MAP3K21: variants seen among roughly 807,000 people sequenced by gnomAD.
The protein encoded by MAP3K21 is mitogen-activated protein kinase kinase kinase MLK4.
A neutral mutation model predicts 86.1 loss-of-function variants in MAP3K21; 63 were observed. The ratio of observed to expected loss-of-function variants is 0.73; its 90% CI spans 0.60 to 0.90. The LOEUF (loss-of-function observed/expected upper bound fraction) is 0.90, where lower values mean the gene tolerates loss of function less well. Among genes scored for constraint, MAP3K21 ranks in the 40% least tolerant of loss-of-function variants. The pLI, the probability that MAP3K21 is intolerant of heterozygous loss-of-function variation, is 0.00. For missense variants in MAP3K21, 1,220 were observed against 1,367.7 expected (o/e 0.89, Z 1.70); for synonymous variants, 558 against 564.8 (o/e 0.99, Z 0.17).
rs1663957679 is a variant in MAP3K21, at chr1:233,383,449, A to C, written c.*738A>C. The C allele has an allele frequency of 7.3e-6, 1 of 136,598 alleles. No individual in the cohort carries two copies. The highest frequency in any genetic ancestry group is 1.6e-5 in the Non-Finnish European group (1 of 61,578). The allele number at this position is 136,598 out of a possible 1,614,324, so 8.5% of individuals were successfully genotyped here. A position where few individuals can be genotyped will look rare whatever the true frequency, so the allele number is the denominator to read the frequency against. On this transcript the variant is annotated 3_prime_UTR_variant, in exon 10 of 10. Coordinates refer to ENST00000366624, the MANE Select transcript of MAP3K21 (RefSeq NM_032435.3). ...TTAGAACTCCAAAATAGATGTTCAA[A>C]GTTCAGTCCTTGCCATTTGACTGAG...
At chr1:233,345,047 AG>A (rs1353172523) in intron 1 of MAP3K21, among the ~76,000 whole-genome samples, 4 of 152,226 alleles carry the variant, frequency 2.6e-5, no homozygotes, top group Admixed American at 2.6e-4. Flanking sequence ...ATCTCACACC[AG>A]TTAGAAGGGC....
At position 233,382,598 on chromosome 1, in the gene MAP3K21, C is replaced by A. The variant is rs1558466102; in HGVS notation, c.2998C>A (p.Leu1000Met). The change falls in exon 10 of 10, where the codon CTG becomes ATG. Residue 1000 changes from leucine to methionine, a missense_variant. By Grantham distance (15) the Leu-to-Met change is conservative. This residue lies in a region of MAP3K21 where 632 missense variants were observed against 691.3 expected (regional missense o/e 0.91). Transcript: ENST00000366624. ...AACTAAATCCCATGTGCCTTCATTA[C>A]TGGATGCTGACGTGGAAGGTCAGAG... ...ERTKSHVPSLLDADVEGQSRD... is the reference protein window; with the variant it reads ...ERTKSHVPSLMDADVEGQSRD... 6.2e-7 allele frequency: 1 copy of A among 1,614,202 alleles called. No homozygotes were observed. The highest frequency in any genetic ancestry group is 8.5e-7 in the Non-Finnish European group (1 of 1,180,038).
intron 4 of MAP3K21, among the ~76,000 whole-genome samples, chr1:233,355,889 TCTC>T (rs1663343601): frequency 6.6e-6 from 1 of 152,154 alleles, no homozygotes; most frequent in South Asian, 2.1e-4. Flanking sequence ...TCTGTCCCCT[TCTC>T]CTTCTAAAAT....
At chr1:233,366,637 T>C (rs1663579685) in intron 5 of MAP3K21, among the ~76,000 whole-genome samples, 1 of 152,244 alleles carries the variant, frequency 6.6e-6, no homozygotes, top group Non-Finnish European at 1.5e-5. Flanking sequence ...TCCCTATGCA[T>C]AATAAGCTTA....
Position 233,358,955 on chromosome 1 carries a change from G to A in MAP3K21, c.1312-3098G>A, listed in dbSNP as rs112370606. On this transcript the variant is annotated intron_variant, in intron 4 of 9. Coordinates refer to ENST00000366624, the MANE Select transcript of MAP3K21 (RefSeq NM_032435.3). The stretch of plus-strand genomic sequence containing the variant: ...CTCCCGAGTAGCTGGGATTACAGGC[G>A]CCCACCACCACACCCGGCTAATTTT... Among the ~76,000 whole-genome samples, 423 of 151,810 alleles carry A rather than the reference G, an allele frequency of 2.8e-3. 2 individuals carry two copies. The highest frequency in any genetic ancestry group is 9.9e-3 in the African/African-American group (408 of 41,378).
chr1:233,328,529 C>A lies in MAP3K21; in HGVS notation c.501C>A (p.Ser167Arg), dbSNP rs760260263. The change falls in exon 1 of 10, where the codon AGC becomes AGA. Residue 167 changes from serine (S) to arginine (R), a missense_variant. Physicochemically the swap from Ser to Arg is moderately radical, Grantham distance 110. Coordinates refer to ENST00000366624, the MANE Select transcript of MAP3K21 (RefSeq NM_032435.3). The surrounding 1 kb of genome is among the most constrained non-coding windows in gnomAD (Gnocchi z 8.7). ...AGGACGCGGCGGCGGCTGCCGAGAG[C>A]GTGCGGCGCGAGGCTCGGCTCTTCG... is the stretch of plus-strand genomic sequence containing the variant. ...PEQDAAAAAE[S>R]VRREARLFAM... 2 of 1,530,886 alleles carry A rather than the reference C, an allele frequency of 1.3e-6. No individual in the cohort carries two copies. The highest frequency in any genetic ancestry group is 5.3e-5 in the East Asian group (2 of 37,594). The allele number at this position is 1,530,886 out of a possible 1,614,324, so 94.8% of individuals were successfully genotyped here.
intron 6 of MAP3K21, among the ~76,000 whole-genome samples, chr1:233,375,241 C>T (rs1663771040): frequency 6.6e-6 from 1 of 152,054 alleles, no homozygotes; most frequent in South Asian, 2.1e-4. Flanking sequence ...GGCGCCTGGC[C>T]CCAAATCACT....
Position 233,346,516 on chromosome 1 carries a change from A to G in MAP3K21, c.880A>G (p.Arg294Gly). Residue 294 changes from arginine (R) to glycine (G), a missense_variant, in exon 2 of 10, where the codon AGG (arginine) becomes GGG (glycine). Physicochemically the swap from Arg to Gly is moderately radical, Grantham distance 125. Around this residue, in one of 5 missense-constraint regions of MAP3K21, gnomAD observed 89 missense variants for 144.8 expected, o/e 0.61. Coordinates refer to ENST00000366624, the MANE Select transcript of MAP3K21 (RefSeq NM_032435.3). ...TLKITDFGLAREWHRTTKMST... is the reference protein window; with the variant it reads ...TLKITDFGLAGEWHRTTKMST... Reference sequence around the variant, plus strand: ...GAAGATTACAGATTTTGGGTTGGCGAGGGAATGGCACAGGACCACCAAAAT... The same window carrying G: ...GAAGATTACAGATTTTGGGTTGGCGGGGGAATGGCACAGGACCACCAAAAT... The G allele has an allele frequency of 6.2e-7, 1 of 1,613,906 alleles. No individual in the cohort carries two copies. Among genetic ancestry groups the G allele is most frequent in the Non-Finnish European group, 8.5e-7 (1 of 1,179,822 alleles).
intron 1 of MAP3K21, among the ~76,000 whole-genome samples, chr1:233,333,048 A>G (rs961088761): frequency 1.3e-4 from 20 of 152,204 alleles, no homozygotes; most frequent in African/African-American, 4.8e-4. Context: ...AGCTCTTACT[A>G]TGACAAACTG....
At chr1:233,345,072 T>G (rs534450455) in intron 1 of MAP3K21, among the ~76,000 whole-genome samples, 2 of 152,220 alleles carry the variant, frequency 1.3e-5, no homozygotes, top group African/African-American at 2.4e-5. Flanking sequence ...CATTAAAAAG[T>G]CAGGAAACAA....
At chr1:233,369,905 AAAG>A (rs1254082475) in intron 5 of MAP3K21, among the ~76,000 whole-genome samples, 1 of 152,228 alleles carries the variant, frequency 6.6e-6, no homozygotes, top group African/African-American at 2.4e-5. Context: ...GCTGGAGCAG[AAAG>A]AAGAACTCAG....
rs1236279646 is a variant in MAP3K21, at chr1:233,382,691, G to C, written c.3091G>C (p.Glu1031Gln). The C allele has an allele frequency of 6.2e-7, 1 of 1,611,818 alleles. No individual in the cohort carries two copies. The highest frequency in any genetic ancestry group is 1.7e-5 in the Admixed American group (1 of 59,942). The part of the protein sequence containing the change: ...KTSRPSIYEL[E>Q]KEFLS ...CAGCCGGCCATCTATATATGAACTG[G>C]AGAAAGAATTCCTGTCTTAAACTAA... is the stretch of plus-strand genomic sequence containing the variant. The change falls in exon 10 of 10, where the codon GAG becomes CAG. Residue 1031 changes from glutamate to glutamine, a missense_variant. Around this residue, in one of 5 missense-constraint regions of MAP3K21, gnomAD observed 632 missense variants for 691.3 expected, o/e 0.91. Coordinates refer to ENST00000366624, the MANE Select transcript of MAP3K21 (RefSeq NM_032435.3).
intron 1 of MAP3K21, among the ~76,000 whole-genome samples, chr1:233,339,342 C>CTT (rs1662985615): frequency 7.1e-5 from 8 of 113,346 alleles, no homozygotes; most frequent in Non-Finnish European, 1.1e-4. Context: ...TCTTCTTCTC[C>CTT]CTCTTCTCCC....
chr1:233,368,070 C>G (rs991355257), intron 5 of MAP3K21, among the ~76,000 whole-genome samples: 1 of 152,122 alleles, frequency 6.6e-6, no homozygotes, highest in African/African-American at 2.4e-5. Flanking sequence ...ATTGTCCCAT[C>G]ATTTGTTCCA....
At chr1:233,340,517 G>A (rs1294266) in intron 1 of MAP3K21, among the ~76,000 whole-genome samples, 56,360 of 151,662 alleles carry the variant, frequency 0.37, 11,379 homozygotes, top group Non-Finnish European at 0.45. Flanking sequence ...GAGAAGGGAC[G>A]GAGGCCAAAA....
rs1662761834 is a variant in MAP3K21, at chr1:233,328,952, C to T, written c.805+119C>T. On this transcript the variant is annotated intron_variant, in intron 1 of 9. Coordinates refer to ENST00000366624, the MANE Select transcript of MAP3K21 (RefSeq NM_032435.3). The surrounding 1 kb of genome is among the most constrained non-coding windows in gnomAD (Gnocchi z 8.7). ...GTCAGCCTTAGGGCGCCAGCAGCAA[C>T]TCATGCCCAGGCCTTCAGGGCTCGG... 9.6e-7 allele frequency: 1 copy of T among 1,046,150 alleles called. No homozygotes were observed. The highest frequency in any genetic ancestry group is 1.7e-5 in the African/African-American group (1 of 59,968). 64.8% of individuals were successfully genotyped at this position (1,046,150 alleles called of 1,614,324 possible).
chr1:233,380,511 G>A (rs1472883077), intron 9 of MAP3K21, among the ~76,000 whole-genome samples: 1 of 152,138 alleles, frequency 6.6e-6, no homozygotes, highest in African/African-American at 2.4e-5. Context: ...GGAATTTTGT[G>A]GGGACACAGT....
At chr1:233,345,367 T>A (rs1487313673) in intron 1 of MAP3K21, among the ~76,000 whole-genome samples, 1 of 152,136 alleles carries the variant, frequency 6.6e-6, no homozygotes, top group Non-Finnish European at 1.5e-5. Flanking sequence ...ATTAAGAAAG[T>A]GTGGTATATA....
intron 8 of MAP3K21, among the ~76,000 whole-genome samples, 199 bp from the exon 9 acceptor site, chr1:233,378,732 G>GGGAACCTGAAGTTGTAGGGCCC (rs1449796430): frequency 6.6e-6 from 1 of 152,208 alleles, no homozygotes; most frequent in African/African-American, 2.4e-5. Context: ...TTCATCTGCA[G>GGGAACCTGAAGTTGTAGGGCCC]GGAACCTGAA....
Sources: gnomAD v4.1 joint callset for allele counts (sites outside exome capture counted in the v4.1 genomes callset) on GRCh38, gnomAD v4.1.1 for gene constraint, gnomAD v4.1.1 regional missense constraint, Gnocchi (gnomAD v3.1) non-coding constraint, MANE v1.5 for transcripts, NCBI Gene and HGNC (gene_info 2026-07-23, HGNC 2026-07-21) for gene names.